COL5A2: variants seen among roughly 807,000 people sequenced by gnomAD.
COL5A2 encodes the protein collagen type V alpha 2 chain, also known as collagen alpha-2(V) chain.
COL5A2 carries 23 observed loss-of-function variants against 208.2 expected under a neutral mutation model. The observed-to-expected ratio is 0.11, with a 90% confidence interval of 0.08 to 0.16. The LOEUF is 0.16. Ranked by LOEUF, COL5A2 falls within the 10% of genes least tolerant of loss-of-function variation. The probability of loss-of-function intolerance (pLI) is 1.00; values close to 1 mark genes in which losing one functional copy is unlikely to be tolerated. For synonymous variants in COL5A2, 625 were observed against 628.5 expected, an observed-to-expected ratio of 0.99 and a Z score of 0.08; for missense variants, 1,590 against 1,956.4, an observed-to-expected ratio of 0.81 and a Z score of 3.53.
intron 15 of COL5A2, among the ~76,000 whole-genome samples, 154 bp from the exon 16 acceptor site, chr2:189,078,723 A>C (rs1456235830): frequency 6.6e-6 from 1 of 152,198 alleles, no homozygotes; most frequent in Admixed American, 6.6e-5. Flanking sequence ...AACTATCCCC[A>C]TGTGGAGATA....
rs1448155238 is a variant in COL5A2 at position 189,091,579 on chromosome 2, A to ATACC, written c.567+727_567+730dup. Among the ~76,000 whole-genome samples the ATACC allele has an allele frequency of 2.0e-5, 3 of 152,324 alleles. No individual in the cohort carries two copies. The East Asian group carries it at 5.8e-4, about 29-fold the overall frequency. On this transcript the variant is annotated intron_variant, in intron 7 of 53. Coordinates refer to ENST00000374866, the MANE Select transcript of COL5A2 (RefSeq NM_000393.5). ...AATAAGGTATTTTTAATAAAGAAAT[A>ATACC]TACCTTGTTTTTTAGACATAATGCT... is the stretch of plus-strand genomic sequence containing the variant.
the COL5A2 span, among the ~76,000 whole-genome samples, chr2:189,265,349 T>C: frequency 5.3e-5 from 8 of 152,306 alleles, no homozygotes; most frequent in East Asian, 1.5e-3. Flanking sequence ...ATATTCTCTC[T>C]GAAGGGTCAA....
upstream of COL5A2, among the ~76,000 whole-genome samples, chr2:189,180,133 T>C (rs1314536325): frequency 6.6e-6 from 1 of 152,108 alleles, no homozygotes; most frequent in Non-Finnish European, 1.5e-5. Flanking sequence ...ATCCAGCCTT[T>C]TACCCTAGTT....
chr2:189,386,081 A>G, the COL5A2 span, among the ~76,000 whole-genome samples: 4 of 152,158 alleles, frequency 2.6e-5, no homozygotes, highest in Admixed American at 1.3e-4. Context: ...ATTCACTACC[A>G]TAAGAACAGT....
At chr2:189,393,678 C>T in the COL5A2 span, among the ~76,000 whole-genome samples, 1 of 152,180 alleles carries the variant, frequency 6.6e-6, no homozygotes, top group Admixed American at 6.6e-5. Flanking sequence ...AAGCATTAGT[C>T]ATGAAGTGAT....
intron 1 of COL5A2, among the ~76,000 whole-genome samples, chr2:189,222,020 G>A (rs1304235324): frequency 1.3e-5 from 2 of 151,234 alleles, no homozygotes; most frequent in Non-Finnish European, 2.9e-5. Flanking sequence ...ACAGGCCTGA[G>A]GCCTCAAAAA....
At chr2:189,162,890 C>T (rs922829281) in intron 1 of COL5A2, among the ~76,000 whole-genome samples, 1 of 151,956 alleles carries the variant, frequency 6.6e-6, no homozygotes, top group Non-Finnish European at 1.5e-5. Flanking sequence ...CCCATTTTCC[C>T]AGAAGATAAA....
chr2:189,104,667 T>C (rs1226773473), intron 2 of COL5A2, among the ~76,000 whole-genome samples: 1 of 151,812 alleles, frequency 6.6e-6, no homozygotes, highest in Non-Finnish European at 1.5e-5. Context: ...AAGTATACAA[T>C]TATACACTAA....
chr2:189,438,229 G>A, the COL5A2 span, among the ~76,000 whole-genome samples: 1 of 151,256 alleles, frequency 6.6e-6, no homozygotes, highest in African/African-American at 2.4e-5. Context: ...TCCTGACAAG[G>A]GTGTAAAGTA....
chr2:189,053,574 T>C (rs1685837356), intron 37 of COL5A2, 97 bp from the exon 38 acceptor site: 2 of 1,110,808 alleles, frequency 1.8e-6, no homozygotes, highest in East Asian at 5.0e-5. Flanking sequence ...GTTAGACATG[T>C]AAATATAGAA....
At chr2:189,259,245 C>A in the COL5A2 span, among the ~76,000 whole-genome samples, 1 of 151,958 alleles carries the variant, frequency 6.6e-6, no homozygotes, top group Non-Finnish European at 1.5e-5. Flanking sequence ...TTCTTTCCTT[C>A]TCCAAATGTG....
At chr2:189,305,989 C>G in the COL5A2 span, among the ~76,000 whole-genome samples, 345 of 152,250 alleles carry the variant, frequency 2.3e-3, 1 homozygote, top group African/African-American at 7.3e-3. Flanking sequence ...GTCCAATAGC[C>G]TGCTGGAGGC....
At chr2:189,355,692 T>A in the COL5A2 span, among the ~76,000 whole-genome samples, 2 of 152,194 alleles carry the variant, frequency 1.3e-5, no homozygotes, top group Admixed American at 1.3e-4. Context: ...GAGATGGGTC[T>A]CCTGAATATA....
In COL5A2 at chr2:189,080,004, C is replaced by T; in HGVS notation, c.934G>A (p.Gly312Ser). The T allele has an allele frequency of 6.2e-7, 1 of 1,613,022 alleles. No homozygotes were observed. Among genetic ancestry groups the T allele is most frequent in the Non-Finnish European group, 8.5e-7 (1 of 1,179,212 alleles). ...RGHKGLEGPK[G>S]EVGAPGSKGE... ...TTGGAACCAGGTGCTCCAACTTCAC[C>T]TTTAGGGCCTTCAAGACCTTTGTGT... The change falls in exon 14 of 54, where the codon GGT (glycine) becomes AGT (serine). Residue 312 changes from glycine to serine, a missense_variant. By Grantham distance (56) the Gly-to-Ser change is moderately conservative (BLOSUM62 0). Transcript: ENST00000374866.
chr2:189,231,736 A>C, the COL5A2 span, among the ~76,000 whole-genome samples: 6 of 151,822 alleles, frequency 4.0e-5, no homozygotes, highest in African/African-American at 1.4e-4. Flanking sequence ...ATTTGTGTGT[A>C]TGTTTCTTAT....
At chr2:189,146,998 A>G (rs746133147) in intron 1 of COL5A2, among the ~76,000 whole-genome samples, 8 of 152,200 alleles carry the variant, frequency 5.3e-5, no homozygotes, top group Non-Finnish European at 8.8e-5. Flanking sequence ...TTCAAAGCCA[A>G]CAATAAGAAG....
intron 1 of COL5A2, among the ~76,000 whole-genome samples, chr2:189,156,362 G>A (rs1688247146): frequency 6.6e-6 from 1 of 151,912 alleles, no homozygotes; most frequent in Non-Finnish European, 1.5e-5. Flanking sequence ...CTTCTTTGGG[G>A]AACAAGTTTT....
chr2:189,044,965 A>T (rs1232759104), intron 47 of COL5A2, among the ~76,000 whole-genome samples: 1 of 152,202 alleles, frequency 6.6e-6, no homozygotes, highest in South Asian at 2.1e-4. Flanking sequence ...TATTGATATA[A>T]TTCATGGTTA....
chr2:189,380,155 A>G, the COL5A2 span, among the ~76,000 whole-genome samples: 1 of 151,980 alleles, frequency 6.6e-6, no homozygotes, highest in East Asian at 1.9e-4. Context: ...ATATTTTAGG[A>G]ATGTCAAAGA....
Sources: gnomAD v4.1 joint callset for allele counts (sites outside exome capture counted in the v4.1 genomes callset) on GRCh38, gnomAD v4.1.1 for gene constraint, MANE v1.5 for transcripts, NCBI Gene and HGNC (gene_info 2026-07-23, HGNC 2026-07-21) for gene names.